Variants in DEFB109B observed in about 807,000 individuals in gnomAD.
The protein encoded by DEFB109B is defensin beta 109B.
chr8:7,318,776 G>C (rs1242650681), intron 1 of DEFB109B: 5 of 144,702 alleles, frequency 3.5e-5, no homozygotes, highest in Non-Finnish European at 5.9e-5. Context: ...TTTACCATTA[G>C]AGAGATCTTC....
chr8:7,319,326 G>T (rs1192357903), intron 1 of DEFB109B: 1 of 144,732 alleles, frequency 6.9e-6, no homozygotes, highest in Non-Finnish European at 1.5e-5. Context: ...CAGCATACCT[G>T]AGATGCCAGA....
intron 1 of DEFB109B, chr8:7,318,992 T>C (rs1334238884): frequency 7.1e-6 from 1 of 141,254 alleles, no homozygotes; most frequent in Non-Finnish European, 1.5e-5. Flanking sequence ...AATCTAAATA[T>C]GGAGAGAAAA....
chr8:7,312,255 G>T (rs1802650232), upstream of DEFB109B, among the ~76,000 whole-genome samples: 1 of 137,444 alleles, frequency 7.3e-6, no homozygotes, highest in East Asian at 2.0e-4. Context: ...CAATTACAGA[G>T]ATAGGCTCCA....
upstream of DEFB109B, among the ~76,000 whole-genome samples, chr8:7,312,062 A>C (rs1328500703): frequency 8.6e-6 from 1 of 115,718 alleles, no homozygotes; most frequent in East Asian, 2.1e-4. Flanking sequence ...CAAAATAGGT[A>C]ATTGTTATAT....
upstream of DEFB109B, among the ~76,000 whole-genome samples, chr8:7,310,953 CT>C (rs1802594286): frequency 1.5e-5 from 1 of 68,392 alleles, no homozygotes; most frequent in Non-Finnish European, 2.5e-5. Flanking sequence ...TCTATTTTTC[CT>C]GTTTTATAGA....
At chr8:7,313,679 T>C (rs1422150111) in intron 1 of DEFB109B, among the ~76,000 whole-genome samples, 1 of 141,492 alleles carries the variant, frequency 7.1e-6, no homozygotes, top group Non-Finnish European at 1.5e-5. Context: ...TAAGCATGCA[T>C]TTTGGGGGCT....
At chr8:7,313,644 C>T (rs1279167798) in intron 1 of DEFB109B, among the ~76,000 whole-genome samples, 1 of 143,552 alleles carries the variant, frequency 7.0e-6, no homozygotes, top group East Asian at 2.0e-4. Flanking sequence ...ACTTTCAATA[C>T]AAAAATGGCT....
intron 1 of DEFB109B, among the ~76,000 whole-genome samples, chr8:7,315,584 G>T (rs1441372296): frequency 1.5e-5 from 2 of 133,054 alleles, no homozygotes; most frequent in Non-Finnish European, 3.0e-5. Flanking sequence ...GAGTGAATGA[G>T]AGTGAGTGTG....
At chr8:7,315,753 CT>C (rs1424735469) in intron 1 of DEFB109B, among the ~76,000 whole-genome samples, 1 of 142,998 alleles carries the variant, frequency 7.0e-6, no homozygotes, top group East Asian at 2.0e-4. Flanking sequence ...TGGATCCGTT[CT>C]TTTTTCAGTA....
At chr8:7,315,538 G>GAGA (rs1317443739) in intron 1 of DEFB109B, among the ~76,000 whole-genome samples, 1 of 132,846 alleles carries the variant, frequency 7.5e-6, no homozygotes, top group East Asian at 2.1e-4. Flanking sequence ...AAGAAAGAAA[G>GAGA]AGAAAGAAAG....
chr8:7,311,811 G>A (rs1023568827), upstream of DEFB109B, among the ~76,000 whole-genome samples: 4 of 24,632 alleles, frequency 1.6e-4, no homozygotes, highest in Non-Finnish European at 1.8e-4. Flanking sequence ...CCTTCCCAAA[G>A]CAAATAGCTG....
upstream of DEFB109B, among the ~76,000 whole-genome samples, chr8:7,312,009 T>C (rs1802633519): frequency 7.8e-6 from 1 of 128,776 alleles, no homozygotes; most frequent in Non-Finnish European, 1.5e-5. Context: ...AGATAAGTGT[T>C]AAATGGGTTC....
At position 7,315,244 on chromosome 8, in the gene DEFB109B, G is replaced by A. The variant is rs996227761; in HGVS notation, n.58+2341G>A. 5.5e-3 allele frequency among the ~76,000 whole-genome samples: 655 copies of A among 118,670 alleles called. 64 individuals carry two copies. The highest frequency in any genetic ancestry group is 0.031 in the African/African-American group (618 of 19,684). The allele number at this position is 118,670 out of a possible 152,430, so 77.9% of individuals were successfully genotyped here. A position where few individuals can be genotyped will look rare whatever the true frequency, so the allele number is the denominator to read the frequency against. On this transcript the variant is annotated intron_variant and non_coding_transcript_variant, in intron 1 of 1. Transcript: ENST00000382656. The stretch of plus-strand genomic sequence containing the variant: ...GAAAAAACCATTAGTGGGGCCACAC[G>A]CGGTGGCTCACGCCTGTAATCCCAG...
chr8:7,317,433 G>A (rs200334641), intron 1 of DEFB109B, among the ~76,000 whole-genome samples: 1,892 of 115,534 alleles, frequency 0.016, 4 homozygotes, highest in African/African-American at 0.051. Flanking sequence ...TTCACAGACT[G>A]TTTTTGTGTT....
upstream of DEFB109B, among the ~76,000 whole-genome samples, chr8:7,311,708 C>T (rs1802620200): frequency 1.2e-4 from 1 of 8,178 alleles, no homozygotes; most frequent in Admixed American, 1.1e-3. Flanking sequence ...TGATCCTGGG[C>T]AAGTTTCTTC....
chr8:7,312,104 GA>G (rs1370921863), upstream of DEFB109B, among the ~76,000 whole-genome samples: 1 of 83,438 alleles, frequency 1.2e-5, no homozygotes. Flanking sequence ...TGGGGGGGGG[GA>G]ACAGATAGAA....
intron 1 of DEFB109B, among the ~76,000 whole-genome samples, chr8:7,316,171 T>C (rs561577211): frequency 7.2e-4 from 2 of 2,786 alleles, no homozygotes; most frequent in Non-Finnish European, 1.3e-3. Context: ...CCCAATTCTA[T>C]ATTAACAGTT....
At chr8:7,316,870 T>A (rs1357310923) in intron 1 of DEFB109B, among the ~76,000 whole-genome samples, 1 of 129,670 alleles carries the variant, frequency 7.7e-6, no homozygotes, top group Non-Finnish European at 1.5e-5. Flanking sequence ...CTTGAACTCC[T>A]GACCTCGTGA....
upstream of DEFB109B, among the ~76,000 whole-genome samples, chr8:7,311,918 A>T (rs1276499559): frequency 8.7e-6 from 1 of 114,410 alleles, no homozygotes; most frequent in Non-Finnish European, 1.6e-5. Context: ...GCAATGGTAC[A>T]TCATAATTTT....
Sources: gnomAD v4.1 joint callset for allele counts (sites outside exome capture counted in the v4.1 genomes callset) on GRCh38, gnomAD v4.1.1 for gene constraint, MANE v1.5 for transcripts, NCBI Gene and HGNC (gene_info 2026-07-23, HGNC 2026-07-21) for gene names.